DACH2: variants seen among roughly 807,000 people sequenced by gnomAD.
The protein encoded by DACH2 is dachshund homolog 2.
In DACH2, 17 loss-of-function variants were observed where a neutral mutation model predicts 35.8. The ratio of observed to expected loss-of-function variants is 0.48; its 90% CI spans 0.33 to 0.71. The LOEUF is 0.71. DACH2 is among the 30% of genes least tolerant of loss of function. The probability of loss-of-function intolerance (pLI) is 0.02; values close to 1 mark genes in which losing one functional copy is unlikely to be tolerated. For synonymous variants in DACH2, 195 were observed against 177.3 expected (o/e 1.10, Z -0.79); for missense variants, 469 against 472.7 (o/e 0.99, Z 0.07).
At chrX:86,210,647 GCTACTAGT>G (rs1196513292) in intron 1 of DACH2, among the ~76,000 whole-genome samples, 1 of 111,625 alleles carries the variant, frequency 9.0e-6, no homozygotes, top group Non-Finnish European at 1.9e-5. Flanking sequence ...GCTCTCAATG[GCTACTAGT>G]CTTTCACCTG....
At chrX:86,604,601 A>T (rs2039833820) in intron 3 of DACH2, among the ~76,000 whole-genome samples, 1 of 111,639 alleles carries the variant, frequency 9.0e-6, no homozygotes, top group South Asian at 3.7e-4. Flanking sequence ...CATGCTTCCC[A>T]TCTCCCAATG....
intron 1 of DACH2, among the ~76,000 whole-genome samples, chrX:86,178,357 G>A (rs950420144): frequency 1.8e-5 from 2 of 111,197 alleles, no homozygotes; most frequent in Admixed American, 1.9e-4. Context: ...AAGTGTTTAT[G>A]TTTTCTCTCT....
At chrX:86,316,954 C>A (rs1198182402) in intron 1 of DACH2, among the ~76,000 whole-genome samples, 1 of 109,417 alleles carries the variant, frequency 9.1e-6, no homozygotes, top group Non-Finnish European at 1.9e-5. Flanking sequence ...CCCATCTCTA[C>A]TAAAAATACA....
chrX:86,426,389 G>C (rs1174538292), intron 2 of DACH2, among the ~76,000 whole-genome samples: 1 of 110,708 alleles, frequency 9.0e-6, no homozygotes, highest in Non-Finnish European at 1.9e-5. Flanking sequence ...TCTGAGACTT[G>C]ATTTGGCTGT....
intron 1 of DACH2, among the ~76,000 whole-genome samples, chrX:86,158,363 G>A (rs1024832987): frequency 9.0e-6 from 1 of 111,513 alleles, no homozygotes; most frequent in African/African-American, 3.3e-5. Context: ...CCAGGCAGGA[G>A]TGCAGTGGCA....
chrX:86,341,595 T>C (rs1452691976), intron 1 of DACH2, among the ~76,000 whole-genome samples: 1 of 112,341 alleles, frequency 8.9e-6, no homozygotes, highest in Non-Finnish European at 1.9e-5. Flanking sequence ...AGTCTCTTTT[T>C]CTAAGGAATA....
At chrX:86,743,543 C>T (rs2041679319) in intron 7 of DACH2, among the ~76,000 whole-genome samples, 1 of 110,759 alleles carries the variant, frequency 9.0e-6, no homozygotes, top group Admixed American at 9.7e-5. Flanking sequence ...CTAAAGGTGC[C>T]CATAATATAT....
chrX:86,376,779 T>C (rs2035974070), intron 1 of DACH2, 45 bp from the exon 2 acceptor site: 1 of 1,113,670 alleles, frequency 9.0e-7, no homozygotes, highest in South Asian at 2.1e-5. Flanking sequence ...GAACTCTCAA[T>C]TAACCAGTTT....
chrX:86,172,125 A>C (rs1178192819), intron 1 of DACH2, among the ~76,000 whole-genome samples: 1 of 112,355 alleles, frequency 8.9e-6, no homozygotes, highest in Admixed American at 9.4e-5. Flanking sequence ...TATTTACTAC[A>C]ACCCTTTTGT....
intron 5 of DACH2, 50 bp downstream of exon 5, chrX:86,695,229 C>A (rs1369352682): frequency 1.5e-5 from 14 of 916,922 alleles, no homozygotes; most frequent in Non-Finnish European, 1.9e-5. Flanking sequence ...AAATACTATC[C>A]AAGACCTACT....
chrX:86,400,546 G>A (rs932919804), intron 2 of DACH2, among the ~76,000 whole-genome samples: 11 of 111,671 alleles, frequency 9.9e-5, no homozygotes, highest in African/African-American at 1.3e-4. Flanking sequence ...GTGACGTACA[G>A]ATGGGTTTTT....
chrX:86,168,953 A>G (rs2031036444), intron 1 of DACH2, among the ~76,000 whole-genome samples: 1 of 111,455 alleles, frequency 9.0e-6, no homozygotes, highest in Admixed American at 9.5e-5. Context: ...CAGTGTTACA[A>G]TATTCTGTGT....
chrX:86,821,478 A>T (rs1014019806), intron 11 of DACH2, among the ~76,000 whole-genome samples: 19 of 110,362 alleles, frequency 1.7e-4, no homozygotes, highest in Non-Finnish European at 3.2e-4. Context: ...AGCAGCAAAA[A>T]TTTTTTCTGT....
intron 2 of DACH2, among the ~76,000 whole-genome samples, chrX:86,471,741 C>T (rs1272860570): frequency 2.7e-5 from 3 of 110,763 alleles, no homozygotes; most frequent in South Asian, 3.8e-4. Context: ...ACAACAGTTC[C>T]GATTTAAGTA....
At position 86,411,774 on chromosome X, in the gene DACH2, G is replaced by A. The variant is rs375862052; in HGVS notation, c.527+34912G>A. Among the ~76,000 whole-genome samples the A allele has an allele frequency of 2.2e-4, 25 of 111,588 alleles. No homozygotes were observed. The East Asian group carries it at 6.0e-3, about 27-fold the overall frequency. ...AGTCCCCGTTTCTGCAGCTGGTCAC[G>A]TGGTCATAGGTGGTATTGATGACTA... is the stretch of plus-strand genomic sequence containing the variant. On this transcript the variant is annotated intron_variant, in intron 2 of 11. Coordinates refer to ENST00000373125, the MANE Select transcript of DACH2 (RefSeq NM_053281.3).
At chrX:86,443,320 T>C (rs1485375412) in intron 2 of DACH2, among the ~76,000 whole-genome samples, 1 of 111,428 alleles carries the variant, frequency 9.0e-6, no homozygotes, top group Non-Finnish European at 1.9e-5. Context: ...TTTGTACCTA[T>C]TGATATTTCA....
At chrX:86,222,948 C>T (rs1569307441) in intron 1 of DACH2, among the ~76,000 whole-genome samples, 1 of 110,804 alleles carries the variant, frequency 9.0e-6, no homozygotes, top group Non-Finnish European at 1.9e-5. Context: ...TCAAAATGTA[C>T]AATAAAAAGG....
intron 1 of DACH2, among the ~76,000 whole-genome samples, chrX:86,309,986 A>T (rs1351938430): frequency 8.9e-6 from 1 of 112,383 alleles, no homozygotes; most frequent in Non-Finnish European, 1.9e-5. Context: ...TCAGTGTCAG[A>T]TAGGGATGCT....
chrX:86,822,733 C>T lies in DACH2; in HGVS notation c.1750+6634C>T, dbSNP rs139590613. On this transcript the variant is annotated intron_variant, in intron 11 of 11. Coordinates refer to ENST00000373125, the MANE Select transcript of DACH2 (RefSeq NM_053281.3). Reference sequence around the variant, plus strand: ...TTAATTAAACGAAATAGTCTAAAACCGGGTGTAATTTAATAATCACCTCTG... The same window carrying T: ...TTAATTAAACGAAATAGTCTAAAACTGGGTGTAATTTAATAATCACCTCTG... Among the ~76,000 whole-genome samples, 436 of 111,212 alleles carry T rather than the reference C, an allele frequency of 3.9e-3. 1 individual carries two copies. The highest frequency in any genetic ancestry group is 0.015 in the East Asian group (52 of 3,540).
Sources: gnomAD v4.1 joint callset for allele counts (sites outside exome capture counted in the v4.1 genomes callset) on GRCh38, gnomAD v4.1.1 for gene constraint, MANE v1.5 for transcripts, NCBI Gene and HGNC (gene_info 2026-07-23, HGNC 2026-07-21) for gene names.